Variants in CDH13 observed in about 807,000 individuals in gnomAD.
CDH13 encodes cadherin 13, also known as cadherin-13.
In CDH13, 24 loss-of-function variants were observed where a neutral mutation model predicts 63.8. The ratio of observed to expected loss-of-function variants is 0.38; its 90% CI spans 0.27 to 0.53. The LOEUF (loss-of-function observed/expected upper bound fraction) is 0.53. Ranked by LOEUF, CDH13 falls within the 20% of genes least tolerant of loss-of-function variation. CDH13 has a pLI of 0.85. For synonymous variants in CDH13, 503 were observed against 355.3 expected (o/e 1.42, Z -4.67); for missense variants, 1,049 against 903.1 (o/e 1.16, Z -2.07).
At chr16:82,789,812 G>T (rs2036201393) in intron 1 of CDH13, among the ~76,000 whole-genome samples, 1 of 152,112 alleles carries the variant, frequency 6.6e-6, no homozygotes, top group African/African-American at 2.4e-5. Context: ...TCATGTCTCA[G>T]GTCCCAATAG....
At chr16:83,059,665 G>C (rs1470332208) in intron 3 of CDH13, among the ~76,000 whole-genome samples, 1 of 151,960 alleles carries the variant, frequency 6.6e-6, no homozygotes, top group African/African-American at 2.4e-5. Flanking sequence ...CTAGCAGGCT[G>C]ACTTTCTGGT....
chr16:83,335,403 C>CAG (rs386385259), intron 5 of CDH13, among the ~76,000 whole-genome samples: 1 of 151,852 alleles, frequency 6.6e-6, no homozygotes, highest in East Asian at 1.9e-4. Flanking sequence ...AACACACACA[C>CAG]ACACAGTTCC....
chr16:82,831,428 G>C (rs535240671), intron 1 of CDH13, among the ~76,000 whole-genome samples: 4 of 152,192 alleles, frequency 2.6e-5, no homozygotes, highest in Non-Finnish European at 4.4e-5. Context: ...GGGGTTGGGA[G>C]ATCCTGGGAA....
Position 82,858,457 on chromosome 16 carries a change from C to T in CDH13, c.141C>T (p.Asp47=). 1.2e-6 allele frequency: 2 copies of T among 1,604,502 alleles called. No homozygotes were observed. The highest frequency in any genetic ancestry group is 1.7e-6 in the Non-Finnish European group (2 of 1,171,334). The part of the protein sequence containing the change: ...HINQPAEFIE[D]QSILNLTFSD... ...ATCAGCCAGCTGAATTCATTGAGGA[C>T]CAGTCAATTCTAAACTGTAAGCAAT... is the stretch of plus-strand genomic sequence containing the variant. Residue 47 remains aspartate, a synonymous_variant, in exon 2 of 14, where the codon GAC becomes GAT. Transcript: ENST00000567109.
intron 1 of CDH13, among the ~76,000 whole-genome samples, chr16:82,835,638 A>G (rs1026905482): frequency 3.9e-5 from 6 of 152,226 alleles, no homozygotes; most frequent in South Asian, 4.2e-4. Flanking sequence ...CTCCCAGCTT[A>G]TGAGGAAATG....
At chr16:82,812,579 G>C (rs1056361668) in intron 1 of CDH13, among the ~76,000 whole-genome samples, 1 of 152,092 alleles carries the variant, frequency 6.6e-6, no homozygotes, top group Non-Finnish European at 1.5e-5. Context: ...GAGAACACTG[G>C]AAGTTCTTCC....
intron 1 of CDH13, among the ~76,000 whole-genome samples, chr16:82,743,064 A>T (rs2034004639): frequency 6.6e-6 from 1 of 152,264 alleles, no homozygotes; most frequent in Non-Finnish European, 1.5e-5. Flanking sequence ...GAATAGTATA[A>T]TAAATCCCAT....
At chr16:82,735,676 G>T (rs949623143) in intron 1 of CDH13, among the ~76,000 whole-genome samples, 2 of 152,168 alleles carry the variant, frequency 1.3e-5, no homozygotes, top group Non-Finnish European at 2.9e-5. Context: ...GGTTTAAATG[G>T]ATTCCAGCTT....
chr16:83,393,425 A>T (rs1020328514), intron 6 of CDH13, among the ~76,000 whole-genome samples: 1 of 152,074 alleles, frequency 6.6e-6, no homozygotes, highest in African/African-American at 2.4e-5. Flanking sequence ...TTCCCTAGAG[A>T]TGTGAGGAGA....
chr16:83,277,884 G>C (rs2325936), intron 5 of CDH13, among the ~76,000 whole-genome samples: 112,139 of 152,066 alleles, frequency 0.74, 42,564 homozygotes, highest in Non-Finnish European at 0.82. Flanking sequence ...AAAAATTTGA[G>C]AAGTTTGTTT....
chr16:83,297,081 G>C (rs565406600), intron 5 of CDH13, among the ~76,000 whole-genome samples: 2 of 152,266 alleles, frequency 1.3e-5, no homozygotes, highest in African/African-American at 4.8e-5. Flanking sequence ...AATAAGCATG[G>C]GGGGAGAAGG....
intron 2 of CDH13, among the ~76,000 whole-genome samples, chr16:82,979,451 G>C (rs1006630322): frequency 6.6e-6 from 1 of 152,106 alleles, no homozygotes; most frequent in Non-Finnish European, 1.5e-5. Context: ...GGAGGGACGT[G>C]GGGGGAGACG....
At chr16:83,405,587 C>T (rs1239345272) in intron 6 of CDH13, among the ~76,000 whole-genome samples, 3 of 152,302 alleles carry the variant, frequency 2.0e-5, no homozygotes, top group East Asian at 1.9e-4. Flanking sequence ...GACTCCCGAC[C>T]TCCAGAACTG....
At chr16:83,545,575 C>T (rs895650687) in intron 7 of CDH13, among the ~76,000 whole-genome samples, 1 of 152,170 alleles carries the variant, frequency 6.6e-6, no homozygotes, top group African/African-American at 2.4e-5. Context: ...TTACCCTTGC[C>T]TATTTTGTTG....
At chr16:83,792,029 T>C (rs8058334) in intron 13 of CDH13, among the ~76,000 whole-genome samples, 24,399 of 152,216 alleles carry the variant, frequency 0.16, 2,565 homozygotes, top group African/African-American at 0.31. Context: ...CAGGCTCTCA[T>C]TGATCTGCTT....
intron 6 of CDH13, among the ~76,000 whole-genome samples, chr16:83,359,196 C>G (rs1440288471): frequency 2.0e-5 from 3 of 152,090 alleles, no homozygotes; most frequent in Non-Finnish European, 4.4e-5. Context: ...ATGGCTGATT[C>G]CCATCTCCAA....
intron 7 of CDH13, among the ~76,000 whole-genome samples, chr16:83,589,264 A>T (rs1217637271): frequency 2.1e-4 from 11 of 52,496 alleles, no homozygotes; most frequent in Admixed American, 2.5e-4. Flanking sequence ...CTTTCCCCTT[A>T]TTCTTTCTCC....
At chr16:83,260,437 A>G (rs1906847198) in intron 5 of CDH13, among the ~76,000 whole-genome samples, 2 of 151,992 alleles carry the variant, frequency 1.3e-5, no homozygotes, top group South Asian at 4.2e-4. Context: ...TCTCCCCAGC[A>G]CAGTCAGTTC....
intron 6 of CDH13, among the ~76,000 whole-genome samples, chr16:83,479,592 G>C (rs2073705020): frequency 6.6e-6 from 1 of 152,096 alleles, no homozygotes; most frequent in Non-Finnish European, 1.5e-5. Flanking sequence ...GGGAGGCGGA[G>C]CTTGCAGTGA....
Sources: gnomAD v4.1 joint callset for allele counts (sites outside exome capture counted in the v4.1 genomes callset) on GRCh38, gnomAD v4.1.1 for gene constraint, MANE v1.5 for transcripts, NCBI Gene and HGNC (gene_info 2026-07-23, HGNC 2026-07-21) for gene names.